The following PARD3B variants were observed in gnomAD, a reference collection of about 807,000 sequenced individuals.
The protein encoded by PARD3B is par-3 family cell polarity regulator beta, also known as partitioning defective 3 homolog B.
In PARD3B, 103 loss-of-function variants were observed where a neutral mutation model predicts 130.2. The ratio of observed to expected loss-of-function variants is 0.79; its 90% confidence interval spans 0.67 to 0.93. The LOEUF (loss-of-function observed/expected upper bound fraction) is 0.93. Ranked by LOEUF, PARD3B falls within the 40% of genes least tolerant of loss-of-function variation. The probability of loss-of-function intolerance (pLI) is 0.00; values close to 1 mark genes in which losing one functional copy is unlikely to be tolerated. For synonymous variants in PARD3B, 583 were observed against 553.2 expected, an observed-to-expected ratio of 1.05 and a Z score of -0.76; for missense variants, 1,609 against 1,499.2, an observed-to-expected ratio of 1.07 and a Z score of -1.21.
chr2:204,725,060 A>T (rs1331369200), intron 2 of PARD3B, among the ~76,000 whole-genome samples: 1 of 152,226 alleles, frequency 6.6e-6, no homozygotes, highest in Non-Finnish European at 1.5e-5. Context: ...TTTGAATTAT[A>T]GTGGAGAACA....
At chr2:205,578,548 C>T (rs1274307693) in intron 22 of PARD3B, among the ~76,000 whole-genome samples, 1 of 152,074 alleles carries the variant, frequency 6.6e-6, no homozygotes, top group African/African-American at 2.4e-5. Flanking sequence ...ATAAATAAAA[C>T]ATGTATCCTT....
chr2:205,409,004 C>A (rs2106043516), intron 19 of PARD3B, among the ~76,000 whole-genome samples: 1 of 152,176 alleles, frequency 6.6e-6, no homozygotes, highest in East Asian at 1.9e-4. Flanking sequence ...TTGAATAAGG[C>A]TTTGGTTGGC....
chr2:204,880,527 A>G (rs368992336), intron 2 of PARD3B, among the ~76,000 whole-genome samples: 44 of 151,882 alleles, frequency 2.9e-4, no homozygotes, highest in African/African-American at 8.2e-4. Context: ...AGGCATGGTG[A>G]TGTGCACCTG....
chr2:205,163,535 A>C (rs2034629984), intron 11 of PARD3B, among the ~76,000 whole-genome samples: 1 of 152,216 alleles, frequency 6.6e-6, no homozygotes. Context: ...ACTGTTTAGT[A>C]ATGGGCAAAA....
In PARD3B at chr2:205,525,870, C is replaced by T. The variant is rs1575255438; in HGVS notation, c.3180+25839C>T. On this transcript the variant is annotated intron_variant, in intron 21 of 22. Coordinates refer to ENST00000406610, the MANE Select transcript of PARD3B (RefSeq NM_001302769.2). This position sits in a 1 kb window ranked among gnomAD's most constrained non-coding sequence, Gnocchi z 4.2. The stretch of plus-strand genomic sequence containing the variant: ...TATGGGTCCACGTTGTGTACCCAGT[C>T]CCGGGAAGGTGCAAGAAAATCTGAT... Among the ~76,000 whole-genome samples the T allele has an allele frequency of 6.6e-6, 1 of 152,176 alleles. No homozygotes were observed. Among genetic ancestry groups the T allele is most frequent in the Non-Finnish European group, 1.5e-5 (1 of 68,034 alleles).
chr2:204,553,829 G>A (rs980375203), intron 1 of PARD3B, among the ~76,000 whole-genome samples: 3 of 151,032 alleles, frequency 2.0e-5, no homozygotes, highest in African/African-American at 7.3e-5. Context: ...CCCAAACATT[G>A]TATGTTCTCA....
intron 2 of PARD3B, among the ~76,000 whole-genome samples, chr2:204,853,928 TATAA>T (rs1234827199): frequency 3.9e-5 from 6 of 152,086 alleles, no homozygotes; most frequent in African/African-American, 1.5e-4. Flanking sequence ...AGGAGTTTTA[TATAA>T]ATAGAGTTAG....
At chr2:205,267,309 G>A (rs2040546456) in intron 16 of PARD3B, among the ~76,000 whole-genome samples, 1 of 143,572 alleles carries the variant, frequency 7.0e-6, no homozygotes, top group Non-Finnish European at 1.6e-5. Context: ...ATAAGGTACT[G>A]TGAGGATCCA....
rs1371497346 is a variant in PARD3B at position 205,183,729 on chromosome 2, GTTGTGT to G, written c.1925-2034_1925-2029del. ...GGGTTCTGCAGAGAAACAGAACCAA[GTTGTGT>G]GTGTGTGTGTGTGTGTGTGTGTGTG... is the stretch of plus-strand genomic sequence containing the variant. On this transcript the variant is annotated intron_variant, in intron 13 of 22. Coordinates refer to ENST00000406610, the MANE Select transcript of PARD3B (RefSeq NM_001302769.2). This position sits in a 1 kb window ranked among gnomAD's most constrained non-coding sequence, Gnocchi z 5.2. Among the ~76,000 whole-genome samples the G allele has an allele frequency of 2.0e-4, 19 of 95,764 alleles. No individual in the cohort carries two copies. Among genetic ancestry groups the G allele is most frequent in the African/African-American group, 4.3e-4 (11 of 25,700 alleles). 62.8% of individuals were successfully genotyped at this position (95,764 alleles called of 152,430 possible). A position where few individuals can be genotyped will look rare whatever the true frequency, so the allele number is the denominator to read the frequency against.
chr2:204,694,848 G>T (rs1158058896), intron 2 of PARD3B, among the ~76,000 whole-genome samples: 1 of 151,988 alleles, frequency 6.6e-6, no homozygotes, highest in Non-Finnish European at 1.5e-5. Context: ...TATGTATGTG[G>T]AGGAGTGTGT....
At chr2:204,560,661 G>A (rs1032578628) in intron 1 of PARD3B, among the ~76,000 whole-genome samples, 3 of 152,152 alleles carry the variant, frequency 2.0e-5, no homozygotes, top group African/African-American at 7.2e-5. Flanking sequence ...GAAGAGGATA[G>A]AATTGTGGGA....
intron 21 of PARD3B, among the ~76,000 whole-genome samples, chr2:205,506,754 A>T (rs1359011108): frequency 6.6e-6 from 1 of 152,246 alleles, no homozygotes; most frequent in East Asian, 1.9e-4. Flanking sequence ...CCTCCTTAAA[A>T]GCATCTGATA....
chr2:205,020,369 T>C (rs560176483), intron 3 of PARD3B, among the ~76,000 whole-genome samples: 10 of 152,222 alleles, frequency 6.6e-5, no homozygotes, highest in African/African-American at 1.2e-4. Context: ...AGTGGGTTCA[T>C]TGAGGGGAAG....
intron 21 of PARD3B, among the ~76,000 whole-genome samples, chr2:205,549,652 C>T (rs148180962): frequency 9.9e-5 from 15 of 152,186 alleles, no homozygotes; most frequent in Admixed American, 9.8e-4. Context: ...ATAGGCAGAG[C>T]ACTTAAGATG....
chr2:205,437,402 A>T (rs1333726929), intron 19 of PARD3B, among the ~76,000 whole-genome samples: 1 of 152,152 alleles, frequency 6.6e-6, no homozygotes, highest in African/African-American at 2.4e-5. Flanking sequence ...TTAAAGTGGG[A>T]TGAGGTGACA....
intron 19 of PARD3B, among the ~76,000 whole-genome samples, chr2:205,406,559 TAATC>T (rs986084168): frequency 2.0e-5 from 3 of 150,222 alleles, no homozygotes; most frequent in African/African-American, 7.3e-5. Flanking sequence ...TATTTATACA[TAATC>T]AAATAAATAA....
intron 1 of PARD3B, among the ~76,000 whole-genome samples, chr2:204,653,597 C>G (rs886443841): frequency 8.0e-5 from 12 of 150,594 alleles, no homozygotes; most frequent in Non-Finnish European, 1.5e-4. Context: ...TTGAGACCAG[C>G]CTGACCAACA....
chr2:205,261,915 G>T (rs1304099438), intron 16 of PARD3B, among the ~76,000 whole-genome samples: 1 of 152,096 alleles, frequency 6.6e-6, no homozygotes, highest in Non-Finnish European at 1.5e-5. Flanking sequence ...TCCATGTCAT[G>T]ACCACACTTG....
rs12989722 is a variant in PARD3B, at chr2:205,341,374, A to C, written c.2630+39673A>C. ...ATTAACAGATGAGTAATTAAAGAAA[A>C]TGTGGTATATATACACAATGGAATA... On this transcript the variant is annotated intron_variant, in intron 18 of 22. Transcript: ENST00000406610. This position sits in a 1 kb window ranked among gnomAD's most constrained non-coding sequence, Gnocchi z 4.3. 0.097 allele frequency among the ~76,000 whole-genome samples: 14,803 copies of C among 152,204 alleles called. 1,107 individuals carry two copies. Among genetic ancestry groups the C allele is most frequent in the African/African-American group, 0.2 (8,494 of 41,518 alleles).
Sources: gnomAD v4.1 joint callset for allele counts (sites outside exome capture counted in the v4.1 genomes callset) on GRCh38, gnomAD v4.1.1 for gene constraint, Gnocchi (gnomAD v3.1) non-coding constraint, MANE v1.5 for transcripts, NCBI Gene and HGNC (gene_info 2026-07-23, HGNC 2026-07-21) for gene names.